Variants in CHDH observed in about 807,000 individuals in gnomAD.
CHDH encodes the protein choline dehydrogenase, mitochondrial.
In CHDH, 43 loss-of-function variants were observed where a neutral mutation model predicts 56.9. That is an observed-to-expected ratio of 0.76 (90% CI 0.59 to 0.97). The LOEUF is 0.97. CHDH is among the 50% of genes least tolerant of loss of function. CHDH has a pLI of 0.00. For missense variants in CHDH, 816 were observed against 821.1 expected, an observed-to-expected ratio of 0.99 and a Z score of 0.08; for synonymous variants, 364 against 348.5, an observed-to-expected ratio of 1.04 and a Z score of -0.50.
chr3:53,828,347 T>C (rs1328551282), intron 2 of CHDH, among the ~76,000 whole-genome samples: 3 of 152,172 alleles, frequency 2.0e-5, no homozygotes, highest in Non-Finnish European at 4.4e-5. Context: ...TGACGATGAC[T>C]TTATATATTA....
intron 2 of CHDH, among the ~76,000 whole-genome samples, chr3:53,840,716 G>A (rs1381268787): frequency 6.6e-6 from 1 of 152,144 alleles, no homozygotes; most frequent in Non-Finnish European, 1.5e-5. Context: ...GATTTTTGTA[G>A]TTGTTGTTTG....
At chr3:53,828,162 GACACACACACACACACACACACAC>G (rs60594351) in intron 2 of CHDH, among the ~76,000 whole-genome samples, 22 of 145,250 alleles carry the variant, frequency 1.5e-4, no homozygotes. Context: ...GGAATAACTA[GACACACACACACACACACACACAC>G]ACACACACAC....
chr3:53,836,693 G>A (rs1033359278), intron 2 of CHDH, among the ~76,000 whole-genome samples: 11 of 152,328 alleles, frequency 7.2e-5, no homozygotes, highest in Middle Eastern at 3.4e-3. Context: ...GCTGGCCAAG[G>A]GGACACATGC....
chr3:53,823,234 G>A, intron 3 of CHDH, 72 bp downstream of exon 3: 1 of 1,365,674 alleles, frequency 7.3e-7, no homozygotes, highest in Non-Finnish European at 9.7e-7. Flanking sequence ...GGAGCCTGGA[G>A]CCACGGGCCA....
At chr3:53,837,953 A>C (rs934134669) in intron 2 of CHDH, among the ~76,000 whole-genome samples, 2 of 147,116 alleles carry the variant, frequency 1.4e-5, no homozygotes, top group Non-Finnish European at 3.0e-5. Context: ...CAGCTACTCG[A>C]GGCTTAGGCA....
At position 53,846,245 on chromosome 3, in the gene CHDH, C is replaced by G. The variant is rs1001331931; in HGVS notation, c.-293G>C. On this transcript the variant is annotated 5_prime_UTR_variant, in exon 1 of 9. Coordinates refer to ENST00000315251, the MANE Select transcript of CHDH (RefSeq NM_018397.5). ...GCAGCAGTTCCGACCCGGTCGGCCC[C>G]GGAGCCGCGAGGCTAGCTGGGCTCC... 7 of 265,814 alleles carry G rather than the reference C, an allele frequency of 2.6e-5. No homozygotes were observed. The highest frequency in any genetic ancestry group is 4.9e-5 in the Non-Finnish European group (7 of 142,594). 16.5% of individuals were successfully genotyped at this position (265,814 alleles called of 1,614,324 possible). A position where few individuals can be genotyped will look rare whatever the true frequency, so the allele number is the denominator to read the frequency against.
chr3:53,841,829 C>A (rs1047772025), intron 1 of CHDH, among the ~76,000 whole-genome samples: 5 of 152,122 alleles, frequency 3.3e-5, no homozygotes, highest in African/African-American at 4.8e-5. Flanking sequence ...CACACACACA[C>A]AAATCACAAA....
chr3:53,821,687 G>T lies in CHDH; in HGVS notation c.945C>A (p.Asp315Glu), dbSNP rs748646122. The change falls in exon 5 of 9, where the codon GAC becomes GAA. Residue 315 changes from aspartate (D) to glutamate (E), a missense_variant. Transcript: ENST00000315251. ...LMLSGIGNAD[D>E]LKKLGIPVVC... is the part of the protein sequence containing the mutation. Reference sequence around the variant, plus strand: ...CCACAGGGATGCCCAGTTTCTTGAGGTCATCAGCATTCCCGATGCCAGAGA... The same window carrying T: ...CCACAGGGATGCCCAGTTTCTTGAGTTCATCAGCATTCCCGATGCCAGAGA... The T allele has an allele frequency of 1.2e-6, 2 of 1,614,022 alleles. No homozygotes were observed. The highest frequency in any genetic ancestry group is 1.7e-6 in the Non-Finnish European group (2 of 1,179,906).
intron 2 of CHDH, among the ~76,000 whole-genome samples, chr3:53,830,782 G>A (rs957176624): frequency 6.6e-5 from 10 of 152,190 alleles, no homozygotes; most frequent in African/African-American, 2.4e-4. Context: ...TTAAAAGACT[G>A]AAATCAGGGA....
intron 2 of CHDH, among the ~76,000 whole-genome samples, chr3:53,835,408 G>C (rs1698465149): frequency 1.3e-5 from 2 of 152,210 alleles, no homozygotes. Flanking sequence ...ACTGCCCCAG[G>C]CTTGCACTTG....
In CHDH at chr3:53,817,698, G is replaced by A. The variant is rs759548864; in HGVS notation, c.*79C>T. The A allele has an allele frequency of 2.2e-5, 28 of 1,276,432 alleles. No individual in the cohort carries two copies. The highest frequency in any genetic ancestry group is 2.8e-5 in the Non-Finnish European group (26 of 931,226). The allele number at this position is 1,276,432 out of a possible 1,614,324, so 79.1% of individuals were successfully genotyped here. A position where few individuals can be genotyped will look rare whatever the true frequency, so the allele number is the denominator to read the frequency against. The stretch of plus-strand genomic sequence containing the variant: ...CTAGTGTGCTAGATAGTTTCAGGCA[G>A]GAGCCTGGGAGCAAGGGCTGTGCTG... On this transcript the variant is annotated 3_prime_UTR_variant, in exon 9 of 9. Coordinates refer to ENST00000315251, the MANE Select transcript of CHDH (RefSeq NM_018397.5).
At position 53,821,781 on chromosome 3, in the gene CHDH, A is replaced by AT; in HGVS notation, c.856-6_856-5insA. 1 of 1,613,646 alleles carries AT rather than the reference A, an allele frequency of 6.2e-7. No individual in the cohort carries two copies. Among genetic ancestry groups the AT allele is most frequent in the Non-Finnish European group, 8.5e-7 (1 of 1,179,812 alleles). ...CACCTCCTTGCTGGCATAAGCCTGGAAGAGGTCCAGCCAGGTCACTCCCTG... is the reference window on the plus strand; with the variant it reads ...CACCTCCTTGCTGGCATAAGCCTGGATAGAGGTCCAGCCAGGTCACTCCCTG... On this transcript the variant is annotated splice_region_variant and splice_polypyrimidine_tract_variant and intron_variant, in intron 4 of 8. Transcript: ENST00000315251.
In CHDH at chr3:53,819,343, AG is replaced by A. The variant is rs1470770828; in HGVS notation, c.1263+188del. Among the ~76,000 whole-genome samples the A allele has an allele frequency of 6.6e-6, 1 of 152,184 alleles. No individual in the cohort carries two copies. Among genetic ancestry groups the A allele is most frequent in the Non-Finnish European group, 1.5e-5 (1 of 68,032 alleles). ...GCTCGGTACCTAGCCTGCATGAAAC[AG>A]TCATACCATTGGCATGCACCACGCA... On this transcript the variant is annotated intron_variant, in intron 7 of 8. Coordinates refer to ENST00000315251, the MANE Select transcript of CHDH (RefSeq NM_018397.5). This position sits in a 1 kb window ranked among gnomAD's most constrained non-coding sequence, Gnocchi z 5.4.
At position 53,823,680 on chromosome 3, in the gene CHDH, T is replaced by A. The variant is rs906322153; in HGVS notation, c.329A>T (p.Glu110Val). The part of the protein sequence containing the change: ...DDRYNWCYHT[E>V]VQRGLDGRVL... ...GCGGCCGTCCAGGCCCCGCTGCACC[T>A]CTGTGTGGTAGCACCAGTTGTACCT... is the stretch of plus-strand genomic sequence containing the variant. Residue 110 changes from glutamate to valine, a missense_variant, in exon 3 of 9, where the codon GAG (glutamate) becomes GTG (valine). Physicochemically the swap from Glu to Val is moderately radical, Grantham distance 121 (BLOSUM62 -2). Transcript: ENST00000315251. 1.7e-5 allele frequency: 27 copies of A among 1,547,806 alleles called. No individual in the cohort carries two copies. The highest frequency in any genetic ancestry group is 2.3e-5 in the Non-Finnish European group (26 of 1,146,856).
At chr3:53,829,810 A>G (rs1025193974) in intron 2 of CHDH, among the ~76,000 whole-genome samples, 4 of 152,202 alleles carry the variant, frequency 2.6e-5, no homozygotes, top group African/African-American at 9.6e-5. Context: ...CTTCCTTCAC[A>G]GACAAGCCTG....
In CHDH at chr3:53,816,519, A is replaced by G. The variant is rs985499288; in HGVS notation, c.*1258T>C. The G allele has an allele frequency of 6.6e-6, 1 of 152,172 alleles. No homozygotes were observed. Among genetic ancestry groups the G allele is most frequent in the Non-Finnish European group, 1.5e-5 (1 of 68,032 alleles). The allele number at this position is 152,172 out of a possible 1,614,324, so 9.4% of individuals were successfully genotyped here. On this transcript the variant is annotated 3_prime_UTR_variant, in exon 9 of 9. Transcript: ENST00000315251. The stretch of plus-strand genomic sequence containing the variant: ...GGGCATTTCTACAGCCACAGGGTGC[A>G]TGGCTGTGCTTAACTGTGTTTTCCA...
At chr3:53,834,653 A>T (rs116576461) in intron 2 of CHDH, among the ~76,000 whole-genome samples, 213 of 152,324 alleles carry the variant, frequency 1.4e-3, no homozygotes, top group African/African-American at 4.4e-3. Context: ...TTCCAGGAGT[A>T]CCCATACTTG....
At chr3:53,818,914 G>C in intron 8 of CHDH, 24 bp downstream of exon 8, 1 of 1,453,020 alleles carries the variant, frequency 6.9e-7, no homozygotes, top group East Asian at 2.3e-5. Context: ...TTCAAGCCCA[G>C]GAAGACACAG....
chr3:53,840,569 G>C (rs1698641064), intron 2 of CHDH, among the ~76,000 whole-genome samples: 1 of 151,918 alleles, frequency 6.6e-6, no homozygotes, highest in African/African-American at 2.4e-5. Context: ...AATCACCCTA[G>C]GGATTAGGGG....
Sources: gnomAD v4.1 joint callset for allele counts (sites outside exome capture counted in the v4.1 genomes callset) on GRCh38, gnomAD v4.1.1 for gene constraint, Gnocchi (gnomAD v3.1) non-coding constraint, MANE v1.5 for transcripts, NCBI Gene and HGNC (gene_info 2026-07-23, HGNC 2026-07-21) for gene names.